Variants in RSRC1 observed in about 807,000 individuals in gnomAD.
The protein encoded by RSRC1 is serine/Arginine-related protein 53.
In RSRC1, 39 loss-of-function variants were observed where a neutral mutation model predicts 49.1. The ratio of observed to expected loss-of-function variants is 0.79; its 90% CI spans 0.61 to 1.04. RSRC1 has a LOEUF of 1.04. Ranked by LOEUF, RSRC1 falls within the 50% of genes least tolerant of loss-of-function variation. The probability of loss-of-function intolerance (pLI) is 0.00; values close to 1 mark genes in which losing one functional copy is unlikely to be tolerated. For synonymous variants in RSRC1, 143 were observed against 130.8 expected (o/e 1.09, Z -0.63); for missense variants, 388 against 402.4 (o/e 0.96, Z 0.31).
intron 5 of RSRC1, among the ~76,000 whole-genome samples, chr3:158,351,426 T>C (rs1407408320): frequency 6.6e-6 from 1 of 152,214 alleles, no homozygotes; most frequent in Non-Finnish European, 1.5e-5. Context: ...ATAAGCAAAG[T>C]AAAACTATAA....
chr3:158,349,308 G>A (rs1730732352), intron 5 of RSRC1, among the ~76,000 whole-genome samples: 1 of 151,928 alleles, frequency 6.6e-6, no homozygotes, highest in African/African-American at 2.4e-5. Context: ...TTTTAAATTT[G>A]CATTTCTCTG....
intron 4 of RSRC1, among the ~76,000 whole-genome samples, chr3:158,267,951 G>A (rs1225372236): frequency 9.2e-6 from 1 of 108,698 alleles, no homozygotes; most frequent in Non-Finnish European, 1.9e-5. Flanking sequence ...TTTTATTTTT[G>A]TACTTTTCTC....
At chr3:158,269,437 T>G (rs1010312620) in intron 4 of RSRC1, among the ~76,000 whole-genome samples, 1 of 152,218 alleles carries the variant, frequency 6.6e-6, no homozygotes, top group East Asian at 1.9e-4. Flanking sequence ...GCTAATTAAG[T>G]TTATCTCCCT....
intron 7 of RSRC1, among the ~76,000 whole-genome samples, chr3:158,491,828 G>A (rs1739096524): frequency 6.6e-6 from 1 of 152,178 alleles, no homozygotes; most frequent in Non-Finnish European, 1.5e-5. Flanking sequence ...TGAGTGGAAT[G>A]TCATTTATCC....
At chr3:158,309,917 A>C (rs1036833985) in intron 5 of RSRC1, among the ~76,000 whole-genome samples, 2 of 151,746 alleles carry the variant, frequency 1.3e-5, no homozygotes, top group Non-Finnish European at 3.0e-5. Flanking sequence ...CATTAAAAAT[A>C]AACTATTCTG....
At chr3:158,452,632 G>T (rs905302608) in intron 6 of RSRC1, among the ~76,000 whole-genome samples, 1 of 152,174 alleles carries the variant, frequency 6.6e-6, no homozygotes, top group African/African-American at 2.4e-5. Flanking sequence ...TGTTAATGTG[G>T]AAAGTACTAA....
chr3:158,384,520 G>A (rs1028777361), intron 6 of RSRC1, among the ~76,000 whole-genome samples: 1 of 152,030 alleles, frequency 6.6e-6, no homozygotes, highest in African/African-American at 2.4e-5. Context: ...ATTAATGAAT[G>A]GGCTATTAAT....
chr3:158,370,509 G>A (rs1416052650), intron 6 of RSRC1, among the ~76,000 whole-genome samples: 1 of 151,896 alleles, frequency 6.6e-6, no homozygotes, highest in Non-Finnish European at 1.5e-5. Context: ...GAATCATATA[G>A]TATGTAGTGT....
chr3:158,223,091 C>T (rs1024786200), intron 4 of RSRC1, among the ~76,000 whole-genome samples: 3 of 151,710 alleles, frequency 2.0e-5, no homozygotes, highest in African/African-American at 7.3e-5. Context: ...CCAGTAGACA[C>T]TTCTCTCTTA....
intron 4 of RSRC1, among the ~76,000 whole-genome samples, chr3:158,213,442 C>T (rs1272852273): frequency 1.3e-5 from 2 of 151,782 alleles, no homozygotes; most frequent in Non-Finnish European, 2.9e-5. Context: ...CCTTGGGTTC[C>T]GAGATTGCAT....
At chr3:158,370,503 C>G (rs549859467) in intron 6 of RSRC1, among the ~76,000 whole-genome samples, 4 of 151,976 alleles carry the variant, frequency 2.6e-5, no homozygotes, top group Admixed American at 6.6e-5. Flanking sequence ...TAAATGGAAT[C>G]ATATAGTATG....
Position 158,233,194 on chromosome 3 carries a change from A to C in RSRC1, c.494+29949A>C, listed in dbSNP as rs544654213. 9.2e-5 allele frequency among the ~76,000 whole-genome samples: 14 copies of C among 152,286 alleles called. No individual in the cohort carries two copies. In the South Asian group the frequency reaches 2.7e-3, roughly 29 times the overall value. On this transcript the variant is annotated intron_variant, in intron 4 of 9. Transcript: ENST00000611884. ...TTACTTCTTTGACACTATCATCTTCAGAGTAGACTCAGATATTCCCACCAC... is the reference window on the plus strand; with the variant it reads ...TTACTTCTTTGACACTATCATCTTCCGAGTAGACTCAGATATTCCCACCAC...
chr3:158,439,676 C>T (rs1015226367), intron 6 of RSRC1, among the ~76,000 whole-genome samples: 1 of 151,860 alleles, frequency 6.6e-6, no homozygotes, highest in African/African-American at 2.4e-5. Flanking sequence ...GGGTGGGGGG[C>T]TAGGAGAGGG....
At chr3:158,112,055 C>T (rs1398208315) in intron 1 of RSRC1, among the ~76,000 whole-genome samples, 1 of 152,126 alleles carries the variant, frequency 6.6e-6, no homozygotes, top group Non-Finnish European at 1.5e-5. Context: ...GTGAGTTTTG[C>T]AACCACGAGG....
At chr3:158,287,382 G>C (rs1043240271) in intron 4 of RSRC1, among the ~76,000 whole-genome samples, 3 of 152,002 alleles carry the variant, frequency 2.0e-5, no homozygotes, top group Non-Finnish European at 2.9e-5. Context: ...ATTTATTTAT[G>C]ATTAAATAGT....
At chr3:158,240,557 T>C (rs985894475) in intron 4 of RSRC1, among the ~76,000 whole-genome samples, 1 of 152,180 alleles carries the variant, frequency 6.6e-6, no homozygotes, top group African/African-American at 2.4e-5. Context: ...TTAACAATCT[T>C]CCTGGGTGAG....
chr3:158,124,789 C>T (rs940216426), intron 3 of RSRC1, among the ~76,000 whole-genome samples: 47 of 150,102 alleles, frequency 3.1e-4, no homozygotes, highest in Admixed American at 2.1e-3. Context: ...TTAGTTATTA[C>T]GCTTCTGGTA....
chr3:158,247,137 C>T (rs1034211924), intron 4 of RSRC1, among the ~76,000 whole-genome samples: 2 of 152,088 alleles, frequency 1.3e-5, no homozygotes, highest in Admixed American at 1.3e-4. Flanking sequence ...AGTCTTCTAG[C>T]TCTGAGATTT....
At chr3:158,288,037 T>C (rs149585494) in intron 4 of RSRC1, among the ~76,000 whole-genome samples, 42 of 152,318 alleles carry the variant, frequency 2.8e-4, no homozygotes, top group African/African-American at 1.0e-3. Flanking sequence ...TTTTTTTGTT[T>C]TTTCGTAATG....
Sources: allele counts gnomAD v4.1 joint callset (sites outside exome capture counted in the v4.1 genomes callset), GRCh38; gene constraint gnomAD v4.1.1; transcripts MANE v1.5; gene names NCBI Gene and HGNC (gene_info 2026-07-23, HGNC 2026-07-21).